Variants in TRIM24 observed in about 807,000 individuals in gnomAD.
TRIM24 encodes transcription intermediary factor 1-alpha.
Under a neutral mutation model 123.9 loss-of-function variants are expected in TRIM24, and 29 were observed. The observed-to-expected ratio is 0.23, with a 90% CI of 0.17 to 0.32. The LOEUF is 0.32. Ranked by LOEUF, TRIM24 falls within the 10% of genes least tolerant of loss-of-function variation. The pLI, the probability that TRIM24 is intolerant of heterozygous loss-of-function variation, is 1.00. For synonymous variants in TRIM24, 456 were observed against 461.1 expected (o/e 0.99, Z 0.14); for missense variants, 932 against 1,295.3 (o/e 0.72, Z 4.31).
chr7:138,478,218 T>C (rs1404940713), intron 1 of TRIM24, among the ~76,000 whole-genome samples: 2 of 152,172 alleles, frequency 1.3e-5, no homozygotes, highest in African/African-American at 4.8e-5. Context: ...CATTTTCCAC[T>C]GTAAGGCTGG....
intron 1 of TRIM24, among the ~76,000 whole-genome samples, chr7:138,463,027 G>T (rs935524995): frequency 1.6e-3 from 227 of 141,968 alleles, no homozygotes; most frequent in Non-Finnish European, 8.0e-4. Flanking sequence ...GCGCCACCAC[G>T]TCCGGCTAAT....
intron 1 of TRIM24, among the ~76,000 whole-genome samples, chr7:138,491,887 T>C (rs1443593137): frequency 6.6e-6 from 1 of 152,108 alleles, no homozygotes; most frequent in East Asian, 1.9e-4. Flanking sequence ...GGTAATCTCA[T>C]TGTGGTTTTG....
rs762271686 is a variant in TRIM24, at chr7:138,584,953, A to G, written c.*2A>G. The stretch of plus-strand genomic sequence containing the variant: ...GAAGAACGCCAGTTGCTTAAATAAT[A>G]TGCAGCACCACTAGCTTGTGCTGGT... On this transcript the variant is annotated 3_prime_UTR_variant, in exon 19 of 19. Transcript: ENST00000343526. 7 of 1,602,088 alleles carry G rather than the reference A, an allele frequency of 4.4e-6. No individual in the cohort carries two copies. Among genetic ancestry groups the G allele is most frequent in the Admixed American group, 1.7e-5 (1 of 57,308 alleles).
At chr7:138,539,717 G>A (rs1180287771) in intron 7 of TRIM24, among the ~76,000 whole-genome samples, 1 of 150,654 alleles carries the variant, frequency 6.6e-6, no homozygotes, top group African/African-American at 2.4e-5. Flanking sequence ...GCATATAAAA[G>A]TTTTGATTAT....
chr7:138,467,044 A>G (rs1795158583), intron 1 of TRIM24, among the ~76,000 whole-genome samples: 1 of 152,100 alleles, frequency 6.6e-6, no homozygotes, highest in Non-Finnish European at 1.5e-5. Context: ...CTTTTTCATT[A>G]TATTATTTTG....
chr7:138,501,358 G>A (rs1796035048), intron 1 of TRIM24, among the ~76,000 whole-genome samples: 1 of 152,122 alleles, frequency 6.6e-6, no homozygotes, highest in East Asian at 2.0e-4. Context: ...AGCCTCCTGA[G>A]TAGCTGGGAC....
At position 138,515,312 on chromosome 7, in the gene TRIM24, A is replaced by G. The variant is rs1160414017; in HGVS notation, c.584A>G (p.Lys195Arg). The G allele has an allele frequency of 1.9e-6, 3 of 1,614,044 alleles. No individual in the cohort carries two copies. Reference protein sequence around the residue: ...KTCIRAHQRVKFTKDHTVRQK... With the variant: ...KTCIRAHQRVRFTKDHTVRQK... ...TGTATCAGAGCTCATCAGAGGGTAA[A>G]GTTCACAAAAGACCACACTGTCAGA... The change falls in exon 3 of 19, where the codon AAG becomes AGG. Residue 195 changes from lysine to arginine, a missense_variant. Transcript: ENST00000343526.
In TRIM24 at chr7:138,525,418, A is replaced by G. The variant is rs1355239470; in HGVS notation, c.881+61A>G. 11 of 970,098 alleles carry G rather than the reference A, an allele frequency of 1.1e-5. No individual in the cohort carries two copies. In the East Asian group the frequency reaches 3.0e-4, roughly 26 times the overall value. 60.1% of individuals were successfully genotyped at this position (970,098 alleles called of 1,614,324 possible). ...ATTTGTTAAGTATATTCACTTTTAGAACATTTTCCTTAAGTCACAGTTAAG... is the reference window on the plus strand; with the variant it reads ...ATTTGTTAAGTATATTCACTTTTAGGACATTTTCCTTAAGTCACAGTTAAG... On this transcript the variant is annotated intron_variant, in intron 5 of 18. Coordinates refer to ENST00000343526, the MANE Select transcript of TRIM24 (RefSeq NM_015905.3).
At chr7:138,503,625 G>GTT (rs35048476) in intron 1 of TRIM24, among the ~76,000 whole-genome samples, 10 of 135,808 alleles carry the variant, frequency 7.4e-5, no homozygotes, top group East Asian at 2.1e-4. Flanking sequence ...TTATATTAGA[G>GTT]TTTTTTTTTT....
intron 2 of TRIM24, chr7:138,514,507 G>C (rs1796356626): frequency 6.6e-6 from 1 of 152,162 alleles, no homozygotes; most frequent in Admixed American, 6.6e-5. Flanking sequence ...CCTTCGTTCA[G>C]TTCTTTGAAC....
chr7:138,500,931 A>T lies in TRIM24; in HGVS notation c.365-3359A>T, dbSNP rs187457155. On this transcript the variant is annotated intron_variant, in intron 1 of 18. Coordinates refer to ENST00000343526, the MANE Select transcript of TRIM24 (RefSeq NM_015905.3). Reference sequence around the variant, plus strand: ...AACGCAATGGTATTTGTATATCTAAACATATCTAAAACCTAGAAAACTACA... The same window carrying T: ...AACGCAATGGTATTTGTATATCTAATCATATCTAAAACCTAGAAAACTACA... Among the ~76,000 whole-genome samples the T allele has an allele frequency of 1.5e-3, 231 of 151,392 alleles. 1 individual carries two copies. The highest frequency in any genetic ancestry group is 5.2e-3 in the African/African-American group (212 of 41,078).
At chr7:138,467,327 G>GTGTTTTGTTT (rs751705080) in intron 1 of TRIM24, among the ~76,000 whole-genome samples, 325 of 128,708 alleles carry the variant, frequency 2.5e-3, no homozygotes, top group African/African-American at 8.6e-3. Context: ...AAGGGGGAAT[G>GTGTTTTGTTT]TGTTTTGTTT....
chr7:138,474,837 T>G (rs1347572556), intron 1 of TRIM24, among the ~76,000 whole-genome samples: 5 of 152,236 alleles, frequency 3.3e-5, no homozygotes, highest in Non-Finnish European at 7.3e-5. Context: ...CTGTTGAGTC[T>G]GTATTAAAGC....
At chr7:138,582,708 A>G (rs1797928128) in intron 17 of TRIM24, among the ~76,000 whole-genome samples, 1 of 152,126 alleles carries the variant, frequency 6.6e-6, no homozygotes, top group Non-Finnish European at 1.5e-5. Flanking sequence ...AACAAGAGCA[A>G]AACTCTGTCC....
chr7:138,500,564 A>G (rs933492574), intron 1 of TRIM24, among the ~76,000 whole-genome samples: 18 of 108,970 alleles, frequency 1.7e-4, no homozygotes, highest in African/African-American at 7.7e-4. Flanking sequence ...ACCTTGTTTC[A>G]AAAAAAAAAA....
In TRIM24 at chr7:138,588,740, C is replaced by T. The variant is rs1381420884; in HGVS notation, c.*3789C>T. ...TGGGGAATGGCCGGGCGCGGTGGCT[C>T]ACACCTGTAATCCCAGCACTTTGGG... is the stretch of plus-strand genomic sequence containing the variant. On this transcript the variant is annotated 3_prime_UTR_variant, in exon 19 of 19. Transcript: ENST00000343526. 1 of 151,762 alleles carries T rather than the reference C, an allele frequency of 6.6e-6. No individual in the cohort carries two copies. Among genetic ancestry groups the T allele is most frequent in the Non-Finnish European group, 1.5e-5 (1 of 68,184 alleles). 9.4% of individuals were successfully genotyped at this position (151,762 alleles called of 1,614,324 possible). A position where few individuals can be genotyped will look rare whatever the true frequency, so the allele number is the denominator to read the frequency against.
At chr7:138,470,718 A>G (rs1795255340) in intron 1 of TRIM24, among the ~76,000 whole-genome samples, 1 of 152,218 alleles carries the variant, frequency 6.6e-6, no homozygotes, top group African/African-American at 2.4e-5. Flanking sequence ...TTAAGTCTGT[A>G]ACTTCACCAG....
At chr7:138,555,020 T>C in intron 9 of TRIM24, 54 bp downstream of exon 9, 1 of 1,529,410 alleles carries the variant, frequency 6.5e-7, no homozygotes, top group Non-Finnish European at 8.9e-7. Context: ...ATAATTGTGT[T>C]TAGCAGCTCA....
Position 138,589,756 on chromosome 7 carries a change from A to C in TRIM24, c.*4805A>C, listed in dbSNP as rs1798074603. On this transcript the variant is annotated 3_prime_UTR_variant, in exon 19 of 19. Coordinates refer to ENST00000343526, the MANE Select transcript of TRIM24 (RefSeq NM_015905.3). ...AAAGACACAGAGTGGGGACCTTTGG[A>C]AGTCATTTTAAAAATTTAGCTATGT... is the stretch of plus-strand genomic sequence containing the variant. 1 of 152,152 alleles carries C rather than the reference A, an allele frequency of 6.6e-6. No homozygotes were observed. The allele number at this position is 152,152 out of a possible 1,614,324, so 9.4% of individuals were successfully genotyped here.
Sources: allele counts gnomAD v4.1 joint callset (sites outside exome capture counted in the v4.1 genomes callset), GRCh38; gene constraint gnomAD v4.1.1; transcripts MANE v1.5; gene names NCBI Gene and HGNC (gene_info 2026-07-23, HGNC 2026-07-21).